The following HOOK2 variants were observed in gnomAD, a reference collection of about 807,000 sequenced individuals.
HOOK2 encodes the protein hook microtubule tethering protein 2, also known as protein Hook homolog 2.
A neutral mutation model predicts 111.9 loss-of-function variants in HOOK2; 108 were observed. The ratio of observed to expected loss-of-function variants is 0.96; its 90% CI spans 0.83 to 1.13. The LOEUF (loss-of-function observed/expected upper bound fraction) is 1.13, where lower values mean the gene tolerates loss of function less well. HOOK2 is among the 50% of genes most tolerant of loss of function. The probability of loss-of-function intolerance (pLI) is 0.00; values close to 1 mark genes in which losing one functional copy is unlikely to be tolerated. For synonymous variants in HOOK2, 405 were observed against 394.3 expected, an observed-to-expected ratio of 1.03 and a Z score of -0.32; for missense variants, 978 against 951.3, an observed-to-expected ratio of 1.03 and a Z score of -0.37.
At chr19:12,769,186 C>T (rs1194744641) in intron 11 of HOOK2, among the ~76,000 whole-genome samples, 1 of 151,808 alleles carries the variant, frequency 6.6e-6, no homozygotes, top group Non-Finnish European at 1.5e-5. Context: ...AGGATGGTCT[C>T]GATCTCCTGA....
intron 3 of HOOK2, among the ~76,000 whole-genome samples, chr19:12,773,709 T>C (rs1165085272): frequency 1.3e-5 from 2 of 152,226 alleles, no homozygotes; most frequent in Admixed American, 6.5e-5. Context: ...TTTCTCTCCA[T>C]GCAGCCAGGG....
At chr19:12,775,873 C>CTTTTT (rs775787302), upstream of HOOK2, among the ~76,000 whole-genome samples, 34 of 103,826 alleles carry the variant, frequency 3.3e-4, 2 homozygotes, top group African/African-American at 7.1e-4. Context: ...TAAGTAAATT[C>CTTTTT]TTTTTTTTTT....
Position 12,766,560 on chromosome 19 carries a change from T to TTTTG in HOOK2, c.1374-324_1374-321dup, listed in dbSNP as rs763507411. On this transcript the variant is annotated intron_variant, in intron 14 of 22. Coordinates refer to ENST00000397668, the MANE Select transcript of HOOK2 (RefSeq NM_013312.3). Reference sequence around the variant, plus strand: ...AGGATGGGACAGTTTTTCGGGGTTTTTTTGTTTGTTTGTTTGGTTAGTTTT... The same window carrying TTTTG: ...AGGATGGGACAGTTTTTCGGGGTTTTTTTGTTTGTTTGTTTGTTTGGTTAGTTTT... 3.1e-5 allele frequency: 11 copies of TTTTG among 358,528 alleles called. No homozygotes were observed. The East Asian group carries it at 4.0e-4, about 13-fold the overall frequency. The allele number at this position is 358,528 out of a possible 1,614,324, so 22.2% of individuals were successfully genotyped here.
At chr19:12,774,776 G>GACA (rs1278138241) in intron 2 of HOOK2, 35 bp from the exon 3 acceptor site, 1 of 1,613,178 alleles carries the variant, frequency 6.2e-7, no homozygotes, top group Admixed American at 1.7e-5. Flanking sequence ...CAGACTGGGG[G>GACA]ACACTTTTGG....
At chr19:12,772,538 T>G in intron 6 of HOOK2, 75 bp downstream of exon 6, 1 of 1,500,758 alleles carries the variant, frequency 6.7e-7, no homozygotes, top group South Asian at 1.2e-5. Flanking sequence ...GCAGGACCTG[T>G]GCCCAGTTCT....
Position 12,772,769 on chromosome 19 carries a change from G to A in HOOK2, c.388+11C>T. 1 of 1,613,848 alleles carries A rather than the reference G, an allele frequency of 6.2e-7. No homozygotes were observed. Among genetic ancestry groups the A allele is most frequent in the South Asian group, 1.1e-5 (1 of 91,080 alleles). On this transcript the variant is annotated intron_variant, in intron 5 of 22. Transcript: ENST00000397668. ...CAGGCCAGCCCTGGGGACCCCCTAAGCTCCCCATACCCTGCTTTTTCTCGC... is the reference window on the plus strand; with the variant it reads ...CAGGCCAGCCCTGGGGACCCCCTAAACTCCCCATACCCTGCTTTTTCTCGC...
In HOOK2 at chr19:12,766,207, C is replaced by CT. The variant is rs773630595; in HGVS notation, c.1406dup (p.Arg470AlafsTer63). 1.4e-5 allele frequency: 22 copies of CT among 1,594,852 alleles called. No individual in the cohort carries two copies. The highest frequency in any genetic ancestry group is 1.9e-5 in the Non-Finnish European group (22 of 1,177,302). On this transcript the variant is annotated frameshift_variant, in exon 15 of 23. Transcript: ENST00000397668. LOFTEE classifies it high-confidence loss of function. ...CGGCCGCCTCCTGCCTGCACAGCCG[C>CT]TTGTTCTCCAGCTGAAGCCGCAGGA...
chr19:12,770,127 G>C, intron 10 of HOOK2, 45 bp from the exon 11 acceptor site: 1 of 1,425,422 alleles, frequency 7.0e-7, no homozygotes, highest in Non-Finnish European at 9.2e-7. Flanking sequence ...GCTCTGATCA[G>C]GGGTCAGCTG....
upstream of HOOK2, among the ~76,000 whole-genome samples, chr19:12,782,388 AGTTT>A (rs926616582): frequency 2.0e-5 from 3 of 151,954 alleles, no homozygotes; most frequent in South Asian, 2.1e-4. Context: ...TGGGTCGGGG[AGTTT>A]GTTTGTGACT....
chr19:12,769,824 G>T, intron 11 of HOOK2, 57 bp downstream of exon 11: 1 of 1,334,260 alleles, frequency 7.5e-7, no homozygotes, highest in Non-Finnish European at 9.6e-7. Context: ...GCTGGCCAAC[G>T]GTGAGAGACT....
chr19:12,789,191 G>A (rs1968682532), intron 3 of HOOK2, among the ~76,000 whole-genome samples: 1 of 147,156 alleles, frequency 6.8e-6, no homozygotes, highest in Non-Finnish European at 1.5e-5. Context: ...GAGAGAGAGA[G>A]ACAAAGAGAG....
rs567279935 is a variant in HOOK2 at position 12,773,020 on chromosome 19, G to C, written c.229C>G (p.Arg77Gly). ...LKVSNLKMVL[R>G]SLVEYSQDVL... ...TCCTGGGAGTACTCTACTAGGCTCC[G>C]TAAGACCATCTTCAGATTGCTGACC... The change falls in exon 4 of 23, where the codon CGG becomes GGG. Residue 77 changes from arginine (R) to glycine (G), a missense_variant. By Grantham distance (125) the Arg-to-Gly change is moderately radical (BLOSUM62 -2). Around this residue, in one of 5 missense-constraint regions of HOOK2, gnomAD observed 301 missense variants for 286.1 expected, o/e 1.05. Transcript: ENST00000397668. The C allele has an allele frequency of 1.9e-6, 3 of 1,613,950 alleles. No individual in the cohort carries two copies. The highest frequency in any genetic ancestry group is 2.5e-6 in the Non-Finnish European group (3 of 1,180,018).
At chr19:12,780,889 A>T (rs2145793697), upstream of HOOK2, among the ~76,000 whole-genome samples, 1 of 143,030 alleles carries the variant, frequency 7.0e-6, no homozygotes, top group South Asian at 2.2e-4. Context: ...GAGGCAGGAG[A>T]ATGGCGTGAA....
chr19:12,784,139 G>A (rs931145456), intron 3 of HOOK2, among the ~76,000 whole-genome samples: 10 of 152,182 alleles, frequency 6.6e-5, no homozygotes, highest in African/African-American at 2.4e-4. Context: ...CTGGACAGAC[G>A]GAGGAGGGTC....
chr19:12,775,033 G>A lies in HOOK2; in HGVS notation c.46-136C>T. On this transcript the variant is annotated intron_variant, in intron 1 of 22. Coordinates refer to ENST00000397668, the MANE Select transcript of HOOK2 (RefSeq NM_013312.3). ...GCTCCGCCACAGCAGCTCTGCGAGG[G>A]ACTGGCTTCTGCTCACCTGAGACCG... The A allele has an allele frequency of 3.6e-6, 4 of 1,107,980 alleles. No homozygotes were observed. In the South Asian group the frequency reaches 5.8e-5, roughly 16 times the overall value. 68.6% of individuals were successfully genotyped at this position (1,107,980 alleles called of 1,614,324 possible).
upstream of HOOK2, among the ~76,000 whole-genome samples, chr19:12,782,874 A>T (rs1041230935): frequency 1.1e-4 from 14 of 128,608 alleles, no homozygotes; most frequent in Non-Finnish European, 1.8e-4. Context: ...GACCTTTCCC[A>T]TGGAGCTGAG....
In HOOK2 at chr19:12,764,922, C is replaced by A; in HGVS notation, c.1724-5G>T. ...GCTCCTCGATCCGCCGGGCTGCTGG[C>A]GGAAGAGGTGGCCCATCAGCTCCAC... On this transcript the variant is annotated splice_region_variant and splice_polypyrimidine_tract_variant and intron_variant, in intron 19 of 22. Coordinates refer to ENST00000397668, the MANE Select transcript of HOOK2 (RefSeq NM_013312.3). 6.2e-7 allele frequency: 1 copy of A among 1,614,152 alleles called. No individual in the cohort carries two copies. Among genetic ancestry groups the A allele is most frequent in the African/African-American group, 1.3e-5 (1 of 75,058 alleles).
At chr19:12,771,126 G>A in intron 9 of HOOK2, 33 bp downstream of exon 9, 1 of 1,611,510 alleles carries the variant, frequency 6.2e-7, no homozygotes, top group Non-Finnish European at 8.5e-7. Context: ...CCGGTCCCCT[G>A]GCTTGCCTGG....
intron 7 of HOOK2, chr19:12,771,912 A>C (rs1274955929): frequency 1.6e-5 from 7 of 440,860 alleles, no homozygotes; most frequent in African/African-American, 1.0e-4. Flanking sequence ...AAAAGAAAAG[A>C]AAAGAAAACA....
Sources: gnomAD v4.1 joint callset for allele counts (sites outside exome capture counted in the v4.1 genomes callset) on GRCh38, gnomAD v4.1.1 for gene constraint, gnomAD v4.1.1 regional missense constraint, MANE v1.5 for transcripts, NCBI Gene and HGNC (gene_info 2026-07-23, HGNC 2026-07-21) for gene names.